The following DUSP16 variants were observed in gnomAD, a reference collection of about 807,000 sequenced individuals.
DUSP16 encodes dual specificity phosphatase 16, also known as dual specificity protein phosphatase 16.
A neutral mutation model predicts 58.3 loss-of-function variants in DUSP16; 21 were observed. The observed-to-expected ratio is 0.36, with a 90% CI of 0.26 to 0.52. The LOEUF (loss-of-function observed/expected upper bound fraction) is 0.52, where lower values mean the gene tolerates loss of function less well. DUSP16 is among the 20% of genes least tolerant of loss of function. The pLI, the probability that DUSP16 is intolerant of heterozygous loss-of-function variation, is 0.94. For synonymous variants in DUSP16, 320 were observed against 323.8 expected, an observed-to-expected ratio of 0.99 and a Z score of 0.12; for missense variants, 726 against 819.0, an observed-to-expected ratio of 0.89 and a Z score of 1.39.
At chr12:12,554,983 C>T (rs1334364816) in intron 1 of DUSP16, among the ~76,000 whole-genome samples, 4 of 152,166 alleles carry the variant, frequency 2.6e-5, no homozygotes, top group African/African-American at 9.7e-5. Flanking sequence ...ACTATCTTCT[C>T]GAGGAATTTT....
chr12:12,501,819 G>A (rs1467242155), intron 3 of DUSP16, among the ~76,000 whole-genome samples: 8 of 151,996 alleles, frequency 5.3e-5, no homozygotes, highest in South Asian at 2.1e-4. Context: ...TGGTGAAACC[G>A]TCTCTACTAA....
chr12:12,543,262 A>G (rs1944592513), intron 1 of DUSP16, among the ~76,000 whole-genome samples: 1 of 152,216 alleles, frequency 6.6e-6, no homozygotes, highest in African/African-American at 2.4e-5. Flanking sequence ...TACTGTGGGT[A>G]GGAAACTGTC....
chr12:12,549,004 T>C (rs1192782630), intron 1 of DUSP16, among the ~76,000 whole-genome samples: 1 of 152,222 alleles, frequency 6.6e-6, no homozygotes, highest in Admixed American at 6.5e-5. Context: ...GAGAACACTG[T>C]ACTGAGTGTA....
intron 5 of DUSP16, among the ~76,000 whole-genome samples, chr12:12,480,972 G>C (rs2136189889): frequency 6.6e-6 from 1 of 152,248 alleles, no homozygotes; most frequent in Non-Finnish European, 1.5e-5. Context: ...GTCCACCTCA[G>C]CCTCCCAAAG....
chr12:12,514,796 A>G (rs1944124375), intron 3 of DUSP16, among the ~76,000 whole-genome samples: 1 of 152,170 alleles, frequency 6.6e-6, no homozygotes, highest in South Asian at 2.1e-4. Flanking sequence ...AGCTGGGACT[A>G]TAGGTATGAT....
At chr12:12,538,663 C>A (rs910389894) in intron 1 of DUSP16, among the ~76,000 whole-genome samples, 2 of 152,124 alleles carry the variant, frequency 1.3e-5, no homozygotes, top group African/African-American at 4.8e-5. Flanking sequence ...GTTGCCCTCA[C>A]CAAAATGCCA....
chr12:12,484,176 T>A (rs529771222), intron 5 of DUSP16, among the ~76,000 whole-genome samples: 1 of 152,022 alleles, frequency 6.6e-6, no homozygotes, highest in African/African-American at 2.4e-5. Context: ...GCAATTGTAG[T>A]GAATATGGGC....
At chr12:12,492,169 A>G (rs1222387442) in intron 4 of DUSP16, among the ~76,000 whole-genome samples, 1 of 152,108 alleles carries the variant, frequency 6.6e-6, no homozygotes, top group Non-Finnish European at 1.5e-5. Context: ...CTTTCAATTC[A>G]TACTCCTCAG....
intron 4 of DUSP16, among the ~76,000 whole-genome samples, chr12:12,499,972 C>T (rs572326658): frequency 2.8e-4 from 42 of 151,848 alleles, no homozygotes; most frequent in Non-Finnish European, 5.1e-4. Context: ...CATGCTCTTC[C>T]CTCTTCCTTC....
intron 1 of DUSP16, among the ~76,000 whole-genome samples, chr12:12,558,343 G>A (rs924086736): frequency 1.3e-5 from 2 of 151,278 alleles, no homozygotes; most frequent in African/African-American, 4.9e-5. Context: ...TATAAGTAAT[G>A]CTCATAATTT....
In DUSP16 at chr12:12,478,024, A is replaced by G; in HGVS notation, c.816-9T>C. 2 of 1,554,044 alleles carry G rather than the reference A, an allele frequency of 1.3e-6. No individual in the cohort carries two copies. The highest frequency in any genetic ancestry group is 1.7e-6 in the Non-Finnish European group (2 of 1,151,776). On this transcript the variant is annotated splice_polypyrimidine_tract_variant and intron_variant, in intron 6 of 6. Coordinates refer to ENST00000298573, the MANE Select transcript of DUSP16 (RefSeq NM_030640.3). ...TTTTTTCTTTCACAAATCTGCAGAG[A>G]GAGGAAAAAACAAAAACCCGAATTT...
intron 1 of DUSP16, among the ~76,000 whole-genome samples, chr12:12,560,154 G>A (rs1473351688): frequency 2.0e-5 from 3 of 151,922 alleles, no homozygotes; most frequent in African/African-American, 7.3e-5. Flanking sequence ...CCATAATCAT[G>A]CACTATGATC....
chr12:12,529,298 C>T (rs141711706), intron 1 of DUSP16, among the ~76,000 whole-genome samples: 4 of 151,744 alleles, frequency 2.6e-5, no homozygotes, highest in African/African-American at 9.7e-5. Flanking sequence ...CTTGTAGAGA[C>T]GGGGTCTCAC....
At chr12:12,528,011 C>A (rs1944329803) in intron 1 of DUSP16, among the ~76,000 whole-genome samples, 1 of 152,206 alleles carries the variant, frequency 6.6e-6, no homozygotes, top group Admixed American at 6.5e-5. Flanking sequence ...CTGTGAGAAG[C>A]CTTCACCAAA....
At chr12:12,537,864 G>C (rs1344798828) in intron 1 of DUSP16, among the ~76,000 whole-genome samples, 1 of 152,092 alleles carries the variant, frequency 6.6e-6, no homozygotes, top group African/African-American at 2.4e-5. Flanking sequence ...CTGGGGTGTG[G>C]ATCTTAGCTA....
At chr12:12,522,404 T>C (rs1944250356) in intron 1 of DUSP16, among the ~76,000 whole-genome samples, 1 of 152,176 alleles carries the variant, frequency 6.6e-6, no homozygotes, top group Non-Finnish European at 1.5e-5. Context: ...ATCAATCACT[T>C]TCTAATTAAC....
At chr12:12,492,106 C>T (rs1319063525) in intron 4 of DUSP16, among the ~76,000 whole-genome samples, 2 of 152,190 alleles carry the variant, frequency 1.3e-5, no homozygotes, top group Non-Finnish European at 2.9e-5. Flanking sequence ...CAGCACTGCC[C>T]ATGCCACTGA....
At chr12:12,531,254 A>C (rs1944379760) in intron 1 of DUSP16, among the ~76,000 whole-genome samples, 1 of 152,194 alleles carries the variant, frequency 6.6e-6, no homozygotes, top group East Asian at 1.9e-4. Context: ...ACCGACACCA[A>C]ACTTCTCACC....
intron 1 of DUSP16, among the ~76,000 whole-genome samples, chr12:12,529,772 G>C (rs923572640): frequency 2.0e-5 from 3 of 152,254 alleles, no homozygotes; most frequent in Non-Finnish European, 4.4e-5. Flanking sequence ...ATATATGAGT[G>C]AAATTACACA....
Sources: gnomAD v4.1 joint callset for allele counts (sites outside exome capture counted in the v4.1 genomes callset) on GRCh38, gnomAD v4.1.1 for gene constraint, MANE v1.5 for transcripts, NCBI Gene and HGNC (gene_info 2026-07-23, HGNC 2026-07-21) for gene names.